CFAP54: variants seen among roughly 807,000 people sequenced by gnomAD.
CFAP54 encodes cilia- and flagella-associated protein 54.
A neutral mutation model predicts 370.4 loss-of-function variants in CFAP54; 290 were observed. The observed-to-expected ratio is 0.78, with a 90% CI of 0.71 to 0.86. CFAP54 has a LOEUF of 0.86. Ranked by LOEUF, CFAP54 falls within the 40% of genes least tolerant of loss-of-function variation. CFAP54 has a pLI of 0.00. For synonymous variants in CFAP54, 1,206 were observed against 1,236.5 expected (o/e 0.98, Z 0.52); for missense variants, 3,399 against 3,528.7 (o/e 0.96, Z 0.93).
intron 60 of CFAP54, among the ~76,000 whole-genome samples, chr12:96,774,000 C>G (rs2136681945): frequency 6.6e-6 from 1 of 152,034 alleles, no homozygotes; most frequent in Admixed American, 6.5e-5. Context: ...TTTTCAACAC[C>G]CTTGCTGACA....
chr12:96,611,569 T>C (rs1448489397), intron 26 of CFAP54, among the ~76,000 whole-genome samples: 1 of 152,110 alleles, frequency 6.6e-6, no homozygotes, highest in Non-Finnish European at 1.5e-5. Flanking sequence ...GAAGAAGGCT[T>C]CAGATGATCA....
chr12:96,842,760 C>T (rs975981820), intron 66 of CFAP54, among the ~76,000 whole-genome samples: 2 of 152,088 alleles, frequency 1.3e-5, no homozygotes, highest in African/African-American at 4.8e-5. Flanking sequence ...CTCCTTTTTC[C>T]TCTTCTCTCC....
At chr12:96,572,302 C>A (rs1224374765) in intron 19 of CFAP54, among the ~76,000 whole-genome samples, 1 of 152,118 alleles carries the variant, frequency 6.6e-6, no homozygotes, top group African/African-American at 2.4e-5. Flanking sequence ...AATACATGGG[C>A]TATCTTGGAA....
chr12:96,743,576 G>A lies in CFAP54; in HGVS notation c.7377+17G>A. 6.2e-7 allele frequency: 1 copy of A among 1,613,800 alleles called. No individual in the cohort carries two copies. The highest frequency in any genetic ancestry group is 1.1e-5 in the South Asian group (1 of 91,058). On this transcript the variant is annotated intron_variant, in intron 53 of 67. Transcript: ENST00000524981. Reference sequence around the variant, plus strand: ...AACCTTCAGGTAGAAAGGAAACTTTGTTCGTATTTATAGTCAGGGAGGGAT... The same window carrying A: ...AACCTTCAGGTAGAAAGGAAACTTTATTCGTATTTATAGTCAGGGAGGGAT...
chr12:96,686,372 G>A (rs1450733319), intron 42 of CFAP54, among the ~76,000 whole-genome samples: 1 of 152,100 alleles, frequency 6.6e-6, no homozygotes, highest in African/African-American at 2.4e-5. Flanking sequence ...GAGGTTACTG[G>A]GTATGTTAGG....
intron 17 of CFAP54, among the ~76,000 whole-genome samples, chr12:96,557,864 T>G (rs1955770920): frequency 6.6e-6 from 1 of 152,068 alleles, no homozygotes; most frequent in African/African-American, 2.4e-5. Flanking sequence ...TACATAAATT[T>G]ATCATATAAG....
intron 14 of CFAP54, among the ~76,000 whole-genome samples, chr12:96,541,649 C>T (rs192953298): frequency 4.7e-4 from 71 of 152,134 alleles, no homozygotes; most frequent in African/African-American, 1.7e-3. Flanking sequence ...AGAGTGAATG[C>T]TTGAAGGAAG....
At chr12:96,822,764 G>A (rs1247295847) in intron 65 of CFAP54, among the ~76,000 whole-genome samples, 1 of 152,176 alleles carries the variant, frequency 6.6e-6, no homozygotes, top group Admixed American at 6.5e-5. Flanking sequence ...ACACAGAAAA[G>A]TTTCTTGTAA....
chr12:96,726,769 G>C (rs1375573696), intron 50 of CFAP54, among the ~76,000 whole-genome samples: 9 of 152,088 alleles, frequency 5.9e-5, no homozygotes, highest in Middle Eastern at 3.4e-3. Context: ...TGTGATGTTA[G>C]GGTGTCAATT....
At chr12:96,744,630 A>G (rs58295143) in intron 55 of CFAP54, among the ~76,000 whole-genome samples, 4,518 of 152,334 alleles carry the variant, frequency 0.03, 202 homozygotes, top group African/African-American at 0.1. Context: ...GTTATGAAGT[A>G]CTTACATCTT....
intron 60 of CFAP54, among the ~76,000 whole-genome samples, chr12:96,767,902 C>T (rs1329767152): frequency 1.3e-5 from 2 of 152,066 alleles, no homozygotes; most frequent in Non-Finnish European, 2.9e-5. Context: ...ATGTAGAGTA[C>T]TGTACGAGAT....
chr12:96,572,781 G>A (rs1955935447), intron 19 of CFAP54: 1 of 765,656 alleles, frequency 1.3e-6, no homozygotes, highest in African/African-American at 1.9e-5. Flanking sequence ...TTTCTATTTT[G>A]GGGTAGAAAT....
chr12:96,774,921 A>T (rs1393817560), intron 60 of CFAP54, among the ~76,000 whole-genome samples: 1 of 152,154 alleles, frequency 6.6e-6, no homozygotes, highest in South Asian at 2.1e-4. Flanking sequence ...ATGCCACTAT[A>T]TTTACTTTAT....
intron 63 of CFAP54, among the ~76,000 whole-genome samples, chr12:96,811,170 C>T (rs778690596): frequency 2.6e-5 from 4 of 152,118 alleles, no homozygotes; most frequent in Non-Finnish European, 4.4e-5. Context: ...GCTACAAATC[C>T]ATAACTAAGT....
chr12:96,665,160 T>C (rs1025878432), intron 39 of CFAP54, among the ~76,000 whole-genome samples: 1 of 151,802 alleles, frequency 6.6e-6, no homozygotes, highest in Non-Finnish European at 1.5e-5. Context: ...CACTGTTTAA[T>C]GGGGTTGTTT....
intron 66 of CFAP54, among the ~76,000 whole-genome samples, chr12:96,831,362 G>A (rs911210589): frequency 6.6e-6 from 1 of 152,196 alleles, no homozygotes; most frequent in African/African-American, 2.4e-5. Flanking sequence ...GCAAACTACA[G>A]CCTATGAGCT....
At position 96,598,739 on chromosome 12, in the gene CFAP54, T is replaced by C. The variant is rs1956206717; in HGVS notation, c.3611T>C (p.Ile1204Thr). The C allele has an allele frequency of 4.6e-6, 3 of 646,400 alleles. No homozygotes were observed. Among genetic ancestry groups the C allele is most frequent in the Non-Finnish European group, 8.5e-6 (3 of 354,730 alleles). The allele number at this position is 646,400 out of a possible 1,614,324, so 40.0% of individuals were successfully genotyped here. ...AGCTTTGAAAGTATACAACACATGA[T>C]AGCTTGTTGTATTTTCTACATAACA... ...TASFESIQHM[I>T]ACCIFYITKI... The change falls in exon 26 of 68, where the codon ATA (isoleucine) becomes ACA (threonine). Residue 1204 changes from isoleucine to threonine, a missense_variant. Physicochemically the swap from Ile to Thr is moderately conservative, Grantham distance 89 (BLOSUM62 -1). This residue lies in a region of CFAP54 where 2,796 missense variants were observed against 2,869.7 expected (regional missense o/e 0.97). Transcript: ENST00000524981.
At chr12:96,823,325 T>C (rs1287516723) in intron 65 of CFAP54, among the ~76,000 whole-genome samples, 3 of 152,218 alleles carry the variant, frequency 2.0e-5, no homozygotes, top group Admixed American at 6.5e-5. Context: ...TGACTGTGAA[T>C]TCCTTTGCTC....
chr12:96,611,720 A>G (rs1317748540), intron 26 of CFAP54, among the ~76,000 whole-genome samples: 2 of 152,242 alleles, frequency 1.3e-5, no homozygotes, highest in African/African-American at 2.4e-5. Flanking sequence ...AAACCATGAC[A>G]CGAGAACTAC....
Sources: gnomAD v4.1 joint callset for allele counts (sites outside exome capture counted in the v4.1 genomes callset) on GRCh38, gnomAD v4.1.1 for gene constraint, gnomAD v4.1.1 regional missense constraint, MANE v1.5 for transcripts, NCBI Gene and HGNC (gene_info 2026-07-23, HGNC 2026-07-21) for gene names.